Variants in NUCB1 observed in about 807,000 individuals in gnomAD.
NUCB1 encodes nucleobindin 1.
A neutral mutation model predicts 61.2 loss-of-function variants in NUCB1; 47 were observed. The observed-to-expected ratio is 0.77, with a 90% CI of 0.61 to 0.98. The LOEUF (loss-of-function observed/expected upper bound fraction) is 0.98, where lower values mean the gene tolerates loss of function less well. Ranked by LOEUF, NUCB1 falls within the 50% of genes least tolerant of loss-of-function variation. NUCB1 has a pLI of 0.00. For missense variants in NUCB1, 583 were observed against 605.3 expected (o/e 0.96, Z 0.39); for synonymous variants, 234 against 243.1 (o/e 0.96, Z 0.35).
At position 48,907,126 on chromosome 19, in the gene NUCB1, C is replaced by A. The variant is rs542769796; in HGVS notation, c.376+1241C>A. ...AGTAGCTGGGACTACAGGCGCCCGCCACCATGCCCAGCTAATTTTTTGTAT... is the reference window on the plus strand; with the variant it reads ...AGTAGCTGGGACTACAGGCGCCCGCAACCATGCCCAGCTAATTTTTTGTAT... On this transcript the variant is annotated intron_variant, in intron 4 of 12. Transcript: ENST00000405315. Among the ~76,000 whole-genome samples the A allele has an allele frequency of 2.9e-4, 44 of 151,848 alleles. No homozygotes were observed. The South Asian group carries it at 8.5e-3, about 29-fold the overall frequency.
intron 5 of NUCB1, 21 bp downstream of exon 5, chr19:48,911,273 G>A: frequency 1.3e-6 from 2 of 1,565,426 alleles, no homozygotes; most frequent in Non-Finnish European, 1.8e-6. Flanking sequence ...TGGGTCCGGA[G>A]GCAGAGGATT....
chr19:48,911,894 C>A (rs1291947444), intron 5 of NUCB1, among the ~76,000 whole-genome samples: 1 of 151,884 alleles, frequency 6.6e-6, no homozygotes, highest in African/African-American at 2.4e-5. Flanking sequence ...AACTGAGGCA[C>A]AAAGAGGCTG....
intron 4 of NUCB1, among the ~76,000 whole-genome samples, chr19:48,908,726 GTGTGTGTGTGTGTGTGTGTGTGT>G (rs2037440859): frequency 7.8e-4 from 83 of 105,904 alleles, no homozygotes; most frequent in African/African-American, 2.7e-3. Flanking sequence ...CAAGGGGTGT[GTGTGTGTGTGTGTGTGTGTGTGT>G]GTGTGTGTGT....
rs73573667 is a variant in NUCB1, at chr19:48,921,054, C to A, written c.1003-100C>A. 3.5e-3 allele frequency: 4,810 copies of A among 1,361,888 alleles called. 101 individuals are homozygous for A. The African/African-American group carries it at 0.056, about 16-fold the overall frequency. The allele number at this position is 1,361,888 out of a possible 1,614,324, so 84.4% of individuals were successfully genotyped here. On this transcript the variant is annotated intron_variant, in intron 10 of 12. Coordinates refer to ENST00000405315, the MANE Select transcript of NUCB1 (RefSeq NM_006184.6). ...TGCCCACCCACATGGCCCTGGCCTC[C>A]CAGCCTCCTCTACACCTCCCCCATT...
chr19:48,914,267 G>A (rs559456312), intron 7 of NUCB1, among the ~76,000 whole-genome samples: 121 of 152,110 alleles, frequency 8.0e-4, no homozygotes, highest in African/African-American at 2.7e-3. Context: ...GAGTCACTGC[G>A]CCCGGCCTCG....
chr19:48,911,251 C>G lies in NUCB1; in HGVS notation c.479C>G (p.Thr160Arg). 1 of 1,609,434 alleles carries G rather than the reference C, an allele frequency of 6.2e-7. No individual in the cohort carries two copies. Among genetic ancestry groups the G allele is most frequent in the Non-Finnish European group, 8.5e-7 (1 of 1,176,044 alleles). ...CGCGACCTGGAGCTGCTGATCCAGACGGTAATGGGAGTGGGTCCGGAGGCA... is the reference window on the plus strand; with the variant it reads ...CGCGACCTGGAGCTGCTGATCCAGAGGGTAATGGGAGTGGGTCCGGAGGCA... ...EARDLELLIQ[T>R]ATRDLAQYDA... The change falls in exon 5 of 13, where the codon ACG (threonine) becomes AGG (arginine). Residue 160 changes from threonine to arginine, a missense_variant and splice_region_variant. By Grantham distance (71) the Thr-to-Arg change is moderately conservative. Coordinates refer to ENST00000405315, the MANE Select transcript of NUCB1 (RefSeq NM_006184.6).
chr19:48,919,644 AT>A (rs1374154320), intron 10 of NUCB1, among the ~76,000 whole-genome samples: 1 of 150,860 alleles, frequency 6.6e-6, no homozygotes, highest in African/African-American at 2.4e-5. Flanking sequence ...CACCCAGCTG[AT>A]TTTTGTATTT....
chr19:48,921,750 G>A (rs530039942), intron 11 of NUCB1, 77 bp from the exon 12 acceptor site: 390 of 1,399,290 alleles, frequency 2.8e-4, no homozygotes, highest in Non-Finnish European at 3.6e-4. Flanking sequence ...TGAAGTCTCC[G>A]TTTGGGGACT....
chr19:48,913,563 T>G lies in NUCB1; in HGVS notation c.756T>G (p.His252Gln). The G allele has an allele frequency of 6.2e-7, 1 of 1,612,620 alleles. No individual in the cohort carries two copies. The highest frequency in any genetic ancestry group is 8.5e-7 in the Non-Finnish European group (1 of 1,178,668). ...ACCCCAAGACCTTCTTCATACTGCATGGTAAGGTGGGGAGGGAGTTCCAGA... is the reference window on the plus strand; with the variant it reads ...ACCCCAAGACCTTCTTCATACTGCAGGGTAAGGTGGGGAGGGAGTTCCAGA... Reference protein sequence around the residue: ...RFNPKTFFILHDINSDGVLDE... With the variant: ...RFNPKTFFILQDINSDGVLDE... Residue 252 changes from histidine (H) to glutamine (Q), a missense_variant and splice_region_variant, in exon 7 of 13, where the codon CAT becomes CAG. Transcript: ENST00000405315.
intron 7 of NUCB1, among the ~76,000 whole-genome samples, chr19:48,914,939 G>T (rs1367721528): frequency 6.6e-6 from 1 of 151,548 alleles, no homozygotes; most frequent in Non-Finnish European, 1.5e-5. Flanking sequence ...AATTAGCTGG[G>T]CATGATCGTG....
At chr19:48,908,479 G>A (rs1235471459) in intron 4 of NUCB1, among the ~76,000 whole-genome samples, 1 of 152,122 alleles carries the variant, frequency 6.6e-6, no homozygotes, top group Non-Finnish European at 1.5e-5. Context: ...TGTCCATAGC[G>A]GCCGGCGCTG....
chr19:48,900,780 C>T lies in NUCB1; in HGVS notation c.-11-6C>T, dbSNP rs1046217002. ...TATGCATTATCCAGCCCTCCATCCC[C>T]CACAGACCACACTGCCATGCCTCCC... is the stretch of plus-strand genomic sequence containing the variant. On this transcript the variant is annotated splice_polypyrimidine_tract_variant and splice_region_variant and intron_variant, in intron 1 of 12. Coordinates refer to ENST00000405315, the MANE Select transcript of NUCB1 (RefSeq NM_006184.6). The T allele has an allele frequency of 6.2e-7, 1 of 1,613,426 alleles. No individual in the cohort carries two copies.
rs2037403379 is a variant in NUCB1, at chr19:48,905,758, G to A, written c.249G>A (p.Gly83=). The A allele has an allele frequency of 1.2e-6, 2 of 1,614,070 alleles. No individual in the cohort carries two copies. The highest frequency in any genetic ancestry group is 1.7e-6 in the Non-Finnish European group (2 of 1,180,034). The stretch of plus-strand genomic sequence containing the variant: ...AGGGTCTCCTCTCCTGTCAGAGCGG[G>A]AAGCTGAGCCGAGAGCTGGACTTTG... ...QAANAEDIKS[G]KLSRELDFVS... Residue 83 remains glycine, a synonymous_variant, in exon 4 of 13, where the codon GGG becomes GGA. Transcript: ENST00000405315.
At chr19:48,916,892 G>A (rs779948355) in intron 7 of NUCB1, among the ~76,000 whole-genome samples, 1 of 152,138 alleles carries the variant, frequency 6.6e-6, no homozygotes, top group Admixed American at 6.6e-5. Context: ...CTCCAGCCTG[G>A]CAACAGAGCG....
chr19:48,911,109 G>T, intron 4 of NUCB1, 40 bp from the exon 5 acceptor site: 2 of 1,457,296 alleles, frequency 1.4e-6, no homozygotes, highest in South Asian at 1.2e-5. Context: ...GGTTCTGAAA[G>T]AACATGCCCT....
intron 4 of NUCB1, among the ~76,000 whole-genome samples, chr19:48,906,466 C>T (rs1292258519): frequency 6.6e-6 from 1 of 151,920 alleles, no homozygotes; most frequent in South Asian, 2.1e-4. Flanking sequence ...GTGGCTCACG[C>T]CTGCAATTCC....
intron 2 of NUCB1, 191 bp downstream of exon 2, chr19:48,901,122 G>A: frequency 1.5e-6 from 1 of 661,166 alleles, no homozygotes; most frequent in Non-Finnish European, 2.7e-6. Context: ...TGACTCTGAG[G>A]TGTGGAAAAT....
Position 48,913,118 on chromosome 19 carries a change from G to C in NUCB1, c.588G>C (p.Glu196Asp). Residue 196 changes from glutamate to aspartate, a missense_variant, in exon 6 of 13, where the codon GAG becomes GAC. Glu to Asp is a conservative substitution (Grantham distance 45, BLOSUM62 2). Coordinates refer to ENST00000405315, the MANE Select transcript of NUCB1 (RefSeq NM_006184.6). ...ERRRYLESLG[E>D]EQRKEAERKL... ...GGCGTTATCTGGAGTCACTGGGAGA[G>C]GAGCAGAGAAAGGAGGCGGAGAGGA... The C allele has an allele frequency of 6.2e-7, 1 of 1,613,928 alleles. No homozygotes were observed. The highest frequency in any genetic ancestry group is 1.1e-5 in the South Asian group (1 of 91,074).
At chr19:48,918,849 C>T (rs940400547) in intron 8 of NUCB1, 65 bp downstream of exon 8, 71 of 1,474,194 alleles carry the variant, frequency 4.8e-5, no homozygotes, top group Non-Finnish European at 6.3e-5. Flanking sequence ...TTTCCTCCTG[C>T]AGTCCCCTTA....
Sources: gnomAD v4.1 joint callset for allele counts (sites outside exome capture counted in the v4.1 genomes callset) on GRCh38, gnomAD v4.1.1 for gene constraint, MANE v1.5 for transcripts, NCBI Gene and HGNC (gene_info 2026-07-23, HGNC 2026-07-21) for gene names.